ZNF250: variants seen among roughly 807,000 people sequenced by gnomAD.
ZNF250 encodes zinc finger protein (clone 647).
Under a neutral mutation model 37.1 loss-of-function variants are expected in ZNF250, and 13 were observed. That is an observed-to-expected ratio of 0.35 (90% CI 0.23 to 0.56). ZNF250 has a LOEUF of 0.56. ZNF250 is among the 20% of genes least tolerant of loss of function. The pLI, the probability that ZNF250 is intolerant of heterozygous loss-of-function variation, is 0.87. For missense variants in ZNF250, 474 were observed against 697.9 expected (o/e 0.68, Z 3.61); for synonymous variants, 251 against 265.6 (o/e 0.94, Z 0.54).
chr8:144,889,026 C>T (rs1832119135), intron 4 of ZNF250, among the ~76,000 whole-genome samples: 1 of 152,142 alleles, frequency 6.6e-6, no homozygotes, highest in Non-Finnish European at 1.5e-5. Flanking sequence ...CCTCAGTCTC[C>T]CAAAGTGCTG....
Position 144,882,932 on chromosome 8 carries a change from T to C in ZNF250, c.347-96A>G, listed in dbSNP as rs1831602660. 1.1e-5 allele frequency: 15 copies of C among 1,372,082 alleles called. No homozygotes were observed. Among genetic ancestry groups the C allele is most frequent in the Admixed American group, 2.1e-5 (1 of 46,830 alleles). 85.0% of individuals were successfully genotyped at this position (1,372,082 alleles called of 1,614,324 possible). A position where few individuals can be genotyped will look rare whatever the true frequency, so the allele number is the denominator to read the frequency against. On this transcript the variant is annotated intron_variant, in intron 5 of 5. Transcript: ENST00000417550. This position sits in a 1 kb window ranked among gnomAD's most constrained non-coding sequence, Gnocchi z 5.5. ...TGGCCTTGCTGATGAAGGTGCAAAATCCCTCAATGCACACGTTGGTGTGAG... is the reference window on the plus strand; with the variant it reads ...TGGCCTTGCTGATGAAGGTGCAAAACCCCTCAATGCACACGTTGGTGTGAG...
intron 5 of ZNF250, among the ~76,000 whole-genome samples, chr8:144,885,456 A>G (rs1001381514): frequency 6.0e-5 from 9 of 151,226 alleles, no homozygotes; most frequent in Non-Finnish European, 1.3e-4. Flanking sequence ...CTCATTTTAG[A>G]AAGTCACTCT....
At chr8:144,895,832 AC>A (rs530665822) in intron 1 of ZNF250, among the ~76,000 whole-genome samples, 309 of 151,932 alleles carry the variant, frequency 2.0e-3, no homozygotes, top group African/African-American at 7.1e-3. Context: ...ACATAGTGAA[AC>A]CCCGTCTCTA....
chr8:144,889,644 C>A lies in ZNF250; in HGVS notation c.220G>T (p.Asp74Tyr). ...DIISQLERGEDPWVLDRKGAK... is the reference protein window; with the variant it reads ...DIISQLERGEYPWVLDRKGAK... ...CCCTTCCTGTCCAGGACCCAGGGAT[C>A]TTCCCCTCGCTCCAGCTGGGAGATT... Residue 74 changes from aspartate (D) to tyrosine (Y), a missense_variant, in exon 4 of 6, where the codon GAT becomes TAT. By Grantham distance (160) the Asp-to-Tyr change is radical. This residue lies in a region of ZNF250 where 192 missense variants were observed against 227.5 expected (regional missense o/e 0.84). Coordinates refer to ENST00000417550, the MANE Select transcript of ZNF250 (RefSeq NM_001109689.4). 1 of 1,614,022 alleles carries A rather than the reference C, an allele frequency of 6.2e-7. No individual in the cohort carries two copies. Among genetic ancestry groups the A allele is most frequent in the Non-Finnish European group, 8.5e-7 (1 of 1,179,884 alleles).
In ZNF250 at chr8:144,891,955, G is replaced by T. The variant is rs1313226496; in HGVS notation, c.-54-1552C>A. Among the ~76,000 whole-genome samples the T allele has an allele frequency of 2.6e-5, 4 of 152,240 alleles. No individual in the cohort carries two copies. Among genetic ancestry groups the T allele is most frequent in the African/African-American group, 9.6e-5 (4 of 41,466 alleles). On this transcript the variant is annotated intron_variant, in intron 1 of 5. Coordinates refer to ENST00000417550, the MANE Select transcript of ZNF250 (RefSeq NM_001109689.4). The surrounding 1 kb of genome is among the most constrained non-coding windows in gnomAD (Gnocchi z 4.0). ...CAGGAGAATCACTTGAACCCAGGAT[G>T]TGGAGGTTGCAGTGAGCTGAGATCA...
Position 144,890,049 on chromosome 8 carries a change from G to C in ZNF250, c.53C>G (p.Thr18Ser), listed in dbSNP as rs776525022. 3.1e-6 allele frequency: 5 copies of C among 1,612,812 alleles called. No homozygotes were observed. The highest frequency in any genetic ancestry group is 4.2e-6 in the Non-Finnish European group (5 of 1,179,410). Residue 18 changes from threonine to serine, a missense_variant, in exon 3 of 6, where the codon ACC becomes AGC. Coordinates refer to ENST00000417550, the MANE Select transcript of ZNF250 (RefSeq NM_001109689.4). This position sits in a 1 kb window ranked among gnomAD's most constrained non-coding sequence, Gnocchi z 5.1. ...PVPAGPQAKLTFEDVAVLLSQ... is the reference protein window; with the variant it reads ...PVPAGPQAKLSFEDVAVLLSQ... ...GAGGAGCACAGCCACATCCTCGAAG[G>C]TCAGCTTGGCCTGGAACGACAGGGG...
intron 5 of ZNF250, among the ~76,000 whole-genome samples, chr8:144,885,093 A>G (rs1381477601): frequency 6.6e-6 from 1 of 152,216 alleles, no homozygotes; most frequent in Admixed American, 6.5e-5. Flanking sequence ...TTTTTTTAAT[A>G]AAAAAATTTA....
At chr8:144,896,030 A>AAAAAAAAAC (rs1832699957) in intron 1 of ZNF250, among the ~76,000 whole-genome samples, 1 of 149,614 alleles carries the variant, frequency 6.7e-6, no homozygotes, top group African/African-American at 2.5e-5. Flanking sequence ...AAAAAAAAAA[A>AAAAAAAAAC]TCCTATCACA....
At position 144,881,872 on chromosome 8, in the gene ZNF250, C is replaced by T. The variant is rs1228815653; in HGVS notation, c.1311G>A (p.Gln437=). Residue 437 remains glutamine (Q), a synonymous_variant, in exon 6 of 6, where the codon CAG becomes CAA. Transcript: ENST00000417550. ...AGGGCTTCTCCCCAGTGTGGACTCT[C>T]TGGTGCTGGATCAGGTGTGAGTGCT... ...FVQHSHLIQH[Q]RVHTGEKPYV... The T allele has an allele frequency of 6.2e-7, 1 of 1,614,198 alleles. No homozygotes were observed. The highest frequency in any genetic ancestry group is 2.2e-5 in the East Asian group (1 of 44,872).
rs529621280 is a variant in ZNF250 at position 144,890,184 on chromosome 8, G to C, written c.42+124C>G. Reference sequence around the variant, plus strand: ...GCTCTGTGAGCTGAGGTGGGTGATGGGAAGGGGCCGCGGAGTTCAGGGCAT... The same window carrying C: ...GCTCTGTGAGCTGAGGTGGGTGATGCGAAGGGGCCGCGGAGTTCAGGGCAT... On this transcript the variant is annotated intron_variant, in intron 2 of 5. Transcript: ENST00000417550. The surrounding 1 kb of genome is among the most constrained non-coding windows in gnomAD (Gnocchi z 5.1). The C allele has an allele frequency of 6.9e-5, 104 of 1,513,540 alleles. 1 individual carries two copies. The Admixed American group carries it at 2.0e-3, about 28-fold the overall frequency. The allele number at this position is 1,513,540 out of a possible 1,614,324, so 93.8% of individuals were successfully genotyped here.
intron 4 of ZNF250, among the ~76,000 whole-genome samples, chr8:144,889,262 T>C (rs1832134269): frequency 6.6e-6 from 1 of 152,252 alleles, no homozygotes; most frequent in South Asian, 2.1e-4. Context: ...TCTCAAAACC[T>C]GAATGTCCTA....
rs1408005558 is a variant in ZNF250, at chr8:144,897,954, CCCACAA to C, written c.-55+3439_-55+3444del. On this transcript the variant is annotated intron_variant, in intron 1 of 5. Transcript: ENST00000417550. The surrounding 1 kb of genome is among the most constrained non-coding windows in gnomAD (Gnocchi z 5.2). ...TGTTCCTTGCCCTCATTCCGGTAAA[CCCACAA>C]CCACAACCTTCCAGCGTGGGCATTA... is the stretch of plus-strand genomic sequence containing the variant. Among the ~76,000 whole-genome samples, 21 of 152,310 alleles carry C rather than the reference CCCACAA, an allele frequency of 1.4e-4. No homozygotes were observed. Among genetic ancestry groups the C allele is most frequent in the African/African-American group, 4.6e-4 (19 of 41,562 alleles).
chr8:144,900,586 A>G (rs1264663179), intron 1 of ZNF250, among the ~76,000 whole-genome samples: 1 of 152,240 alleles, frequency 6.6e-6, no homozygotes, highest in African/African-American at 2.4e-5. Flanking sequence ...AAGCCAATAA[A>G]CAACAAGGAA....
In ZNF250 at chr8:144,897,575, G is replaced by C. The variant is rs1832803714; in HGVS notation, c.-55+3824C>G. On this transcript the variant is annotated intron_variant, in intron 1 of 5. Coordinates refer to ENST00000417550, the MANE Select transcript of ZNF250 (RefSeq NM_001109689.4). The surrounding 1 kb of genome is among the most constrained non-coding windows in gnomAD (Gnocchi z 5.2). ...CACCTGAGGTCAGGTGCTGAGACCA[G>C]CTCGGTCGGGGAGACCCTAACCCAG... 6.6e-6 allele frequency among the ~76,000 whole-genome samples: 1 copy of C among 152,172 alleles called. No homozygotes were observed. Among genetic ancestry groups the C allele is most frequent in the African/African-American group, 2.4e-5 (1 of 41,446 alleles).
intron 1 of ZNF250, among the ~76,000 whole-genome samples, chr8:144,900,271 A>T (rs1833010874): frequency 6.6e-6 from 1 of 152,200 alleles, no homozygotes; most frequent in African/African-American, 2.4e-5. Context: ...ACCACCGGAC[A>T]GAGAAACCTA....
chr8:144,889,310 G>A (rs1321977657), intron 4 of ZNF250, among the ~76,000 whole-genome samples: 1 of 152,182 alleles, frequency 6.6e-6, no homozygotes, highest in African/African-American at 2.4e-5. Flanking sequence ...CTCTGGTCAG[G>A]GACAGAATCA....
Position 144,881,926 on chromosome 8 carries a change from T to C in ZNF250, c.1257A>G (p.Ala419=), listed in dbSNP as rs1475965742. ...CGAAGGCCTTCCCACATTCGTAGCATGCATAGGGCTTTTCCTCGGTGTGGA... is the reference window on the plus strand; with the variant it reads ...CGAAGGCCTTCCCACATTCGTAGCACGCATAGGGCTTTTCCTCGGTGTGGA... ...ERIHTEEKPY[A]CYECGKAFVQ... is the part of the protein sequence containing the mutation. Residue 419 remains alanine (A), a synonymous_variant, in exon 6 of 6, where the codon GCA becomes GCG. Coordinates refer to ENST00000417550, the MANE Select transcript of ZNF250 (RefSeq NM_001109689.4). 5.6e-6 allele frequency: 9 copies of C among 1,612,178 alleles called. No homozygotes were observed. Among genetic ancestry groups the C allele is most frequent in the African/African-American group, 1.3e-5 (1 of 74,088 alleles).
chr8:144,886,934 C>A (rs143347248), intron 4 of ZNF250, 32 bp from the exon 5 acceptor site: 1 of 1,598,108 alleles, frequency 6.3e-7, no homozygotes, highest in Non-Finnish European at 8.6e-7. Context: ...GAAGTGACAA[C>A]AAAATACTCC....
In ZNF250 at chr8:144,880,721, A is replaced by C. The variant is rs1260456433; in HGVS notation, c.*794T>G. On this transcript the variant is annotated 3_prime_UTR_variant, in exon 6 of 6. Transcript: ENST00000417550. ...TCTACTAAAAATACAAAAATTAGCCAGGTGTGGTGGCGCATATCTATAATC... is the reference window on the plus strand; with the variant it reads ...TCTACTAAAAATACAAAAATTAGCCCGGTGTGGTGGCGCATATCTATAATC... 1 of 327,470 alleles carries C rather than the reference A, an allele frequency of 3.1e-6. No individual in the cohort carries two copies. The highest frequency in any genetic ancestry group is 6.1e-6 in the Non-Finnish European group (1 of 162,642). The allele number at this position is 327,470 out of a possible 1,614,324, so 20.3% of individuals were successfully genotyped here. A position where few individuals can be genotyped will look rare whatever the true frequency, so the allele number is the denominator to read the frequency against.
Sources: gnomAD v4.1 joint callset for allele counts (sites outside exome capture counted in the v4.1 genomes callset) on GRCh38, gnomAD v4.1.1 for gene constraint, gnomAD v4.1.1 regional missense constraint, Gnocchi (gnomAD v3.1) non-coding constraint, MANE v1.5 for transcripts, NCBI Gene and HGNC (gene_info 2026-07-23, HGNC 2026-07-21) for gene names.